Variants in ENOX2 observed in about 807,000 individuals in gnomAD.
ENOX2 encodes the protein APK1 antigen.
Under a neutral mutation model 45.0 loss-of-function variants are expected in ENOX2, and 36 were observed. The observed-to-expected ratio is 0.80, with a 90% confidence interval of 0.61 to 1.06. The LOEUF is 1.06. ENOX2 is among the 50% of genes least tolerant of loss of function. The pLI is 0.00. For synonymous variants in ENOX2, 174 were observed against 152.3 expected, an observed-to-expected ratio of 1.14 and a Z score of -1.05; for missense variants, 423 against 462.5, an observed-to-expected ratio of 0.91 and a Z score of 0.78.
chrX:130,847,291 A>G (rs765476010), intron 2 of ENOX2, among the ~76,000 whole-genome samples: 4 of 111,200 alleles, frequency 3.6e-5, no homozygotes, highest in African/African-American at 1.3e-4. Flanking sequence ...GTGGTTGTCT[A>G]TTCATATTAA....
At chrX:130,627,863 T>A (rs1363575264) in intron 14 of ENOX2, 95 bp downstream of exon 14, 5 of 577,708 alleles carry the variant, frequency 8.7e-6, no homozygotes, top group African/African-American at 2.2e-5. Flanking sequence ...CTGAAAGCAG[T>A]AACTAATGAC....
intron 2 of ENOX2, among the ~76,000 whole-genome samples, chrX:130,827,672 T>C (rs947277761): frequency 8.0e-5 from 9 of 111,804 alleles, no homozygotes; most frequent in East Asian, 5.6e-4. Context: ...AATAGATACA[T>C]AGCCAGATAA....
chrX:130,771,980 G>C (rs1470798029), intron 3 of ENOX2, among the ~76,000 whole-genome samples: 1 of 111,920 alleles, frequency 8.9e-6, no homozygotes, highest in Non-Finnish European at 1.9e-5. Flanking sequence ...GTAAACATCA[G>C]TTAGGGGCCC....
intron 4 of ENOX2, among the ~76,000 whole-genome samples, chrX:130,701,019 T>C (rs1227024017): frequency 8.9e-6 from 1 of 112,342 alleles, no homozygotes; most frequent in Non-Finnish European, 1.9e-5. Flanking sequence ...GCTTTGGGTC[T>C]GTAATGATTG....
At chrX:130,873,809 C>T (rs1443392414) in intron 2 of ENOX2, among the ~76,000 whole-genome samples, 4 of 109,354 alleles carry the variant, frequency 3.7e-5, no homozygotes, top group South Asian at 4.1e-4. Flanking sequence ...AAACCAAACA[C>T]GACATGTTCT....
intron 2 of ENOX2, among the ~76,000 whole-genome samples, chrX:130,784,714 A>C (rs563962415): frequency 9.4e-6 from 1 of 106,277 alleles, no homozygotes; most frequent in African/African-American, 3.5e-5. Context: ...CAGCCCCCCT[A>C]GTAGCTGGGA....
chrX:130,901,296 G>C (rs1368158017), intron 2 of ENOX2, among the ~76,000 whole-genome samples: 1 of 112,482 alleles, frequency 8.9e-6, no homozygotes, highest in Non-Finnish European at 1.9e-5. Context: ...TCAGAAATCT[G>C]TACACCCAAA....
intron 2 of ENOX2, among the ~76,000 whole-genome samples, chrX:130,876,447 A>G (rs947534163): frequency 1.8e-5 from 2 of 111,584 alleles, no homozygotes; most frequent in African/African-American, 3.3e-5. Flanking sequence ...GAGTTGGAGG[A>G]AGGGAGTATA....
At chrX:130,794,115 G>A (rs768112023) in intron 2 of ENOX2, among the ~76,000 whole-genome samples, 15 of 112,011 alleles carry the variant, frequency 1.3e-4, no homozygotes, top group African/African-American at 4.9e-4. Context: ...GCTGGCTCTA[G>A]GCCATGCTGT....
At chrX:130,869,941 G>A (rs1336000767) in intron 2 of ENOX2, among the ~76,000 whole-genome samples, 1 of 112,174 alleles carries the variant, frequency 8.9e-6, no homozygotes, top group Admixed American at 9.4e-5. Context: ...AGGCCTTGCT[G>A]TAAGCAATAT....
chrX:130,890,561 C>T (rs1412587441), intron 2 of ENOX2, among the ~76,000 whole-genome samples: 1 of 112,531 alleles, frequency 8.9e-6, no homozygotes, highest in Non-Finnish European at 1.9e-5. Context: ...AACTAATTTG[C>T]TAAATTCCAA....
At position 130,625,434 on chromosome X, in the gene ENOX2, G is replaced by A. The variant is rs770949350; in HGVS notation, c.1626C>T (p.Ser542=). 12 of 1,206,452 alleles carry A rather than the reference G, an allele frequency of 9.9e-6. No homozygotes were observed. The South Asian group carries it at 1.4e-4, about 14-fold the overall frequency. ...LHRLDNKICT[S]DVECLMGRLQ... ...GTCTACCCATGAGACACTCCACATC[G>A]CTGGTGCAGATCTGTGGGACAGAGA... Residue 542 remains serine, a synonymous_variant, in exon 15 of 15, where the codon AGC becomes AGT. Coordinates refer to ENST00000394363, the MANE Select transcript of ENOX2 (RefSeq NM_006375.4).
intron 2 of ENOX2, among the ~76,000 whole-genome samples, chrX:130,859,677 T>A (rs185621407): frequency 8.9e-6 from 1 of 111,843 alleles, no homozygotes; most frequent in East Asian, 2.8e-4. Context: ...AGTGACAGAA[T>A]CCAACTTGTG....
intron 3 of ENOX2, among the ~76,000 whole-genome samples, chrX:130,705,828 C>G (rs2038022800): frequency 2.7e-5 from 3 of 111,718 alleles, no homozygotes; most frequent in Non-Finnish European, 5.6e-5. Context: ...TGGGTGGAAC[C>G]TGGGATTCAA....
Position 130,670,211 on chromosome X carries a change from G to C in ENOX2, c.461-13C>G, listed in dbSNP as rs1477930249. ...CGAATGCGGTAACCTAAGTCCACAG[G>C]AGGGTGAAAGGGAGAGGAGAGAGGG... On this transcript the variant is annotated splice_polypyrimidine_tract_variant and intron_variant, in intron 6 of 14. Coordinates refer to ENST00000394363, the MANE Select transcript of ENOX2 (RefSeq NM_006375.4). The C allele has an allele frequency of 8.9e-7, 1 of 1,124,739 alleles. No individual in the cohort carries two copies. Among genetic ancestry groups the C allele is most frequent in the Admixed American group, 2.2e-5 (1 of 45,442 alleles). 92.7% of individuals were successfully genotyped at this position (1,124,739 alleles called of 1,213,427 possible). A position where few individuals can be genotyped will look rare whatever the true frequency, so the allele number is the denominator to read the frequency against.
intron 2 of ENOX2, among the ~76,000 whole-genome samples, chrX:130,878,922 A>G (rs1375777538): frequency 8.9e-6 from 1 of 112,487 alleles, no homozygotes; most frequent in Non-Finnish European, 1.9e-5. Flanking sequence ...GTAAAATGCC[A>G]CCCATAAAAC....
chrX:130,887,274 A>G (rs2078921810), intron 2 of ENOX2, among the ~76,000 whole-genome samples: 1 of 111,658 alleles, frequency 9.0e-6, no homozygotes, highest in Non-Finnish European at 1.9e-5. Context: ...GTTGTATCCT[A>G]TCGTGAGTTA....
chrX:130,746,946 G>T (rs111537434), intron 3 of ENOX2, among the ~76,000 whole-genome samples: 6 of 112,230 alleles, frequency 5.3e-5, no homozygotes, highest in Middle Eastern at 4.6e-3. Flanking sequence ...GAGGCTATTA[G>T]AGTATAACAT....
chrX:130,685,257 G>T (rs1327449112), intron 5 of ENOX2, among the ~76,000 whole-genome samples: 2 of 111,233 alleles, frequency 1.8e-5, no homozygotes, highest in Non-Finnish European at 3.8e-5. Flanking sequence ...AGTAGGAGAT[G>T]AAGTCAAAGA....
Sources: gnomAD v4.1 joint callset for allele counts (sites outside exome capture counted in the v4.1 genomes callset) on GRCh38, gnomAD v4.1.1 for gene constraint, MANE v1.5 for transcripts, NCBI Gene and HGNC (gene_info 2026-07-23, HGNC 2026-07-21) for gene names.